MRPL16: variants seen among roughly 807,000 people sequenced by gnomAD.
MRPL16 encodes the protein large ribosomal subunit protein uL16m.
A neutral mutation model predicts 22.7 loss-of-function variants in MRPL16; 17 were observed. The observed-to-expected ratio is 0.75, with a 90% CI of 0.51 to 1.12. The LOEUF (loss-of-function observed/expected upper bound fraction) is 1.12, where lower values mean the gene tolerates loss of function less well. Among genes scored for constraint, MRPL16 ranks in the 50% most tolerant of loss-of-function variants. The pLI is 0.00. For missense variants in MRPL16, 316 were observed against 328.7 expected, an observed-to-expected ratio of 0.96 and a Z score of 0.30; for synonymous variants, 103 against 112.8, an observed-to-expected ratio of 0.91 and a Z score of 0.55.
At chr11:59,810,169 C>CTAATT (rs1462473315) in intron 1 of MRPL16, 1 of 722,300 alleles carries the variant, frequency 1.4e-6, no homozygotes, top group African/African-American at 1.9e-5. Flanking sequence ...CCACGCCCAG[C>CTAATT]TAATTTTTTT....
At chr11:59,807,977 T>A in intron 2 of MRPL16, 128 bp from the exon 3 acceptor site, 3 of 1,104,750 alleles carry the variant, frequency 2.7e-6, no homozygotes, top group Non-Finnish European at 3.8e-6. Context: ...AGAGACAGGG[T>A]CTCACTATGT....
chr11:59,809,498 G>A (rs190796354), intron 2 of MRPL16: 98 of 222,760 alleles, frequency 4.4e-4, no homozygotes, highest in Admixed American at 8.8e-4. Context: ...ACCCGCCTCC[G>A]CCTCCTAAAG....
In MRPL16 at chr11:59,810,732, G is replaced by A; in HGVS notation, c.-74C>T. The A allele has an allele frequency of 5.1e-6, 8 of 1,560,310 alleles. No individual in the cohort carries two copies. The South Asian group carries it at 6.7e-5, about 13-fold the overall frequency. ...CTCCTGCACCCAGGTAAGCAGCGGC[G>A]CTCCACTACCTAGCTGTAATCGGCT... On this transcript the variant is annotated 5_prime_UTR_variant, in exon 1 of 4. Coordinates refer to ENST00000300151, the MANE Select transcript of MRPL16 (RefSeq NM_017840.4).
In MRPL16 at chr11:59,806,364, T is replaced by C. The variant is rs1393950280; in HGVS notation, c.739A>G (p.Met247Val). Residue 247 changes from methionine to valine, a missense_variant, in exon 4 of 4, where the codon ATG becomes GTG. Transcript: ENST00000300151. ...HKGKYWGKFY[M>V]PKRV ...TACACTCACTACACACGTTTGGGCATGTAGAACTTGCCCCAGTATTTCCCC... is the reference window on the plus strand; with the variant it reads ...TACACTCACTACACACGTTTGGGCACGTAGAACTTGCCCCAGTATTTCCCC... 1 of 1,614,034 alleles carries C rather than the reference T, an allele frequency of 6.2e-7. No individual in the cohort carries two copies. Among genetic ancestry groups the C allele is most frequent in the Non-Finnish European group, 8.5e-7 (1 of 1,180,000 alleles).
chr11:59,807,685 T>C lies in MRPL16; in HGVS notation c.270+16A>G, dbSNP rs757904175. On this transcript the variant is annotated intron_variant, in intron 3 of 3. Coordinates refer to ENST00000300151, the MANE Select transcript of MRPL16 (RefSeq NM_017840.4). Reference sequence around the variant, plus strand: ...TAGCTTCCATCCCATTGCTGCTCGATGCTGAATTCACTCACCAAGATTGCA... The same window carrying C: ...TAGCTTCCATCCCATTGCTGCTCGACGCTGAATTCACTCACCAAGATTGCA... 10 of 1,606,400 alleles carry C rather than the reference T, an allele frequency of 6.2e-6. 1 individual carries two copies. In the South Asian group the frequency reaches 1.1e-4, roughly 18 times the overall value.
rs551787744 is a variant in MRPL16 at position 59,810,377 on chromosome 11, A to T, written c.55+227T>A. On this transcript the variant is annotated intron_variant, in intron 1 of 3. Coordinates refer to ENST00000300151, the MANE Select transcript of MRPL16 (RefSeq NM_017840.4). The stretch of plus-strand genomic sequence containing the variant: ...TTCCACTAAATGGACTCAAAGGCTC[A>T]GGCTCCGCAAAAGGCCAGCCGGGAT... The T allele has an allele frequency of 2.9e-5, 40 of 1,392,456 alleles. No homozygotes were observed. In the African/African-American group the frequency reaches 5.0e-4, roughly 17 times the overall value. The allele number at this position is 1,392,456 out of a possible 1,614,324, so 86.3% of individuals were successfully genotyped here. A position where few individuals can be genotyped will look rare whatever the true frequency, so the allele number is the denominator to read the frequency against.
Position 59,806,354 on chromosome 11 carries a change from C to T in MRPL16, c.749G>A (p.Arg250His), listed in dbSNP as rs376759179. Residue 250 changes from arginine to histidine, a missense_variant, in exon 4 of 4, where the codon CGT becomes CAT. Physicochemically the swap from Arg to His is conservative, Grantham distance 29. Transcript: ENST00000300151. ...AGTTATCTCCTACACTCACTACACACGTTTGGGCATGTAGAACTTGCCCCA... is the reference window on the plus strand; with the variant it reads ...AGTTATCTCCTACACTCACTACACATGTTTGGGCATGTAGAACTTGCCCCA... Reference protein sequence around the residue: ...KYWGKFYMPKRV With the variant: ...KYWGKFYMPKHV 2.1e-5 allele frequency: 34 copies of T among 1,613,942 alleles called. No homozygotes were observed. Among genetic ancestry groups the T allele is most frequent in the African/African-American group, 4.0e-5 (3 of 74,922 alleles).
rs753828074 is a variant in MRPL16 at position 59,806,567 on chromosome 11, A to G, written c.536T>C (p.Val179Ala). Residue 179 changes from valine (V) to alanine (A), a missense_variant, in exon 4 of 4, where the codon GTT (valine) becomes GCT (alanine). Val to Ala is a moderately conservative substitution (Grantham distance 64). Coordinates refer to ENST00000300151, the MANE Select transcript of MRPL16 (RefSeq NM_017840.4). ...FEEVQGFLDQ[V>A]AHKLPFAAKA... ...TGCTGCGAAGGGCAACTTGTGGGCA[A>G]CCTGGTCAAGGAAACCTTGCACTTC... 1.9e-6 allele frequency: 3 copies of G among 1,614,258 alleles called. No individual in the cohort carries two copies. The highest frequency in any genetic ancestry group is 2.2e-5 in the East Asian group (1 of 44,890).
At chr11:59,809,655 G>A (rs1866153021) in intron 2 of MRPL16, 200 bp downstream of exon 2, 3 of 584,940 alleles carry the variant, frequency 5.1e-6, no homozygotes, top group South Asian at 2.0e-5. Flanking sequence ...TAAGAGCAAG[G>A]AACTTTTTTG....
chr11:59,809,619 G>A (rs994895734), intron 2 of MRPL16: 8 of 480,874 alleles, frequency 1.7e-5, no homozygotes, highest in Middle Eastern at 1.1e-3. Flanking sequence ...GGTTTTAGGG[G>A]AGCTATCTCA....
rs1866088284 is a variant in MRPL16, at chr11:59,806,361, GC to G, written c.741del (p.Met247IlefsTer11). The G allele has an allele frequency of 6.2e-7, 1 of 1,614,102 alleles. No individual in the cohort carries two copies. On this transcript the variant is annotated frameshift_variant, in exon 4 of 4. Coordinates refer to ENST00000300151, the MANE Select transcript of MRPL16 (RefSeq NM_017840.4). LOFTEE classifies it high-confidence loss of function. ...HKGKYWGKFYMPKRV is the reference protein window; with the variant it reads ...HKGKYWGKFYXPKRV ...TCCTACACTCACTACACACGTTTGG[GC>G]ATGTAGAACTTGCCCCAGTATTTCC...
Position 59,807,844 on chromosome 11 carries a change from A to T in MRPL16, c.127T>A (p.Ser43Thr). ...CTAAGCTTGGGTTTTTCAGGAATGGAAACATCTAAAAGAAGCACAGACAAC... is the reference window on the plus strand; with the variant it reads ...CTAAGCTTGGGTTTTTCAGGAATGGTAACATCTAAAAGAAGCACAGACAAC... Reference protein sequence around the residue: ...LLPVPSFEDVSIPEKPKLRFI... With the variant: ...LLPVPSFEDVTIPEKPKLRFI... Residue 43 changes from serine to threonine, a missense_variant, in exon 3 of 4, where the codon TCC becomes ACC. By Grantham distance (58) the Ser-to-Thr change is moderately conservative (BLOSUM62 1). Coordinates refer to ENST00000300151, the MANE Select transcript of MRPL16 (RefSeq NM_017840.4). 1 of 1,606,608 alleles carries T rather than the reference A, an allele frequency of 6.2e-7. No individual in the cohort carries two copies. Among genetic ancestry groups the T allele is most frequent in the African/African-American group, 1.3e-5 (1 of 74,616 alleles).
intron 1 of MRPL16, 148 bp downstream of exon 1, chr11:59,810,456 G>C: frequency 6.7e-7 from 1 of 1,485,062 alleles, no homozygotes; most frequent in East Asian, 2.4e-5. Flanking sequence ...GAACCCCTAC[G>C]GTGGAGGTCG....
Position 59,806,484 on chromosome 11 carries a change from G to T in MRPL16, c.619C>A (p.Arg207Ser). 2 of 1,614,192 alleles carry T rather than the reference G, an allele frequency of 1.2e-6. No homozygotes were observed. Among genetic ancestry groups the T allele is most frequent in the Non-Finnish European group, 1.7e-6 (2 of 1,180,034 alleles). Residue 207 changes from arginine to serine, a missense_variant, in exon 4 of 4, where the codon CGT becomes AGT. Physicochemically the swap from Arg to Ser is moderately radical, Grantham distance 110. Transcript: ENST00000300151. The stretch of plus-strand genomic sequence containing the variant: ...AATGTCCAGGGGTTCTGGTTGTTAC[G>T]TTCTCTTTCCTCTTGATCTTTTCGC... The part of the protein sequence containing the change: ...KMRKDQEERE[R>S]NNQNPWTFER...
chr11:59,807,705 A>G lies in MRPL16; in HGVS notation c.266T>C (p.Ile89Thr), dbSNP rs146429210. ...ATEFTEGNFA[I>T]LALGGGYLHW... ...CTCGATGCTGAATTCACTCACCAAG[A>G]TTGCAAAATTGCCTTCTGTAAACTC... Residue 89 changes from isoleucine to threonine, a missense_variant, in exon 3 of 4, where the codon ATC becomes ACC. Transcript: ENST00000300151. The G allele has an allele frequency of 2.2e-5, 35 of 1,609,394 alleles. No homozygotes were observed. Among genetic ancestry groups the G allele is most frequent in the Admixed American group, 5.1e-5 (3 of 59,048 alleles).
rs757628346 is a variant in MRPL16, at chr11:59,809,677, CTTTGA to C, written c.121+173_121+177del. ...AAGGAACTTTTTTGGTTTCCTTTGT[CTTTGA>C]TTTATTTCTAGTGCTCAGAATATTA... On this transcript the variant is annotated intron_variant, in intron 2 of 3. Coordinates refer to ENST00000300151, the MANE Select transcript of MRPL16 (RefSeq NM_017840.4). 420 of 667,606 alleles carry C rather than the reference CTTTGA, an allele frequency of 6.3e-4. 3 individuals are homozygous for C. The highest frequency in any genetic ancestry group is 2.9e-3 in the Middle Eastern group (7 of 2,426). The allele number at this position is 667,606 out of a possible 1,614,324, so 41.4% of individuals were successfully genotyped here. A position where few individuals can be genotyped will look rare whatever the true frequency, so the allele number is the denominator to read the frequency against.
At chr11:59,807,523 T>A in intron 3 of MRPL16, 178 bp downstream of exon 3, 1 of 514,010 alleles carries the variant, frequency 1.9e-6, no homozygotes, top group Non-Finnish European at 3.3e-6. Flanking sequence ...AAAAAAAAGA[T>A]ATATAACCCA....
chr11:59,807,083 C>T (rs1315709313), intron 3 of MRPL16, among the ~76,000 whole-genome samples: 2 of 152,142 alleles, frequency 1.3e-5, no homozygotes, highest in Non-Finnish European at 2.9e-5. Flanking sequence ...ATAAAAAGAA[C>T]TAGCCAAGGG....
In MRPL16 at chr11:59,806,554, C is replaced by T; in HGVS notation, c.549G>A (p.Leu183=). 1 of 1,614,246 alleles carries T rather than the reference C, an allele frequency of 6.2e-7. No individual in the cohort carries two copies. Among genetic ancestry groups the T allele is most frequent in the Non-Finnish European group, 8.5e-7 (1 of 1,180,046 alleles). ...GGCTCACAGCCTTTGCTGCGAAGGG[C>T]AACTTGTGGGCAACCTGGTCAAGGA... ...QGFLDQVAHK[L]PFAAKAVSRG... is the part of the protein sequence containing the mutation. The change falls in exon 4 of 4, where the codon TTG becomes TTA. Residue 183 remains leucine (L), a synonymous_variant. Coordinates refer to ENST00000300151, the MANE Select transcript of MRPL16 (RefSeq NM_017840.4).
Sources: allele counts gnomAD v4.1 joint callset (sites outside exome capture counted in the v4.1 genomes callset), GRCh38; gene constraint gnomAD v4.1.1; transcripts MANE v1.5; gene names NCBI Gene and HGNC (gene_info 2026-07-23, HGNC 2026-07-21).